Variants in ANO3 observed in about 807,000 individuals in gnomAD.
The protein encoded by ANO3 is anoctamin 3.
In ANO3, 99 loss-of-function variants were observed where a neutral mutation model predicts 144.8. The observed-to-expected ratio is 0.68, with a 90% CI of 0.58 to 0.81. The LOEUF is 0.81. Among genes scored for constraint, ANO3 ranks in the 30% least tolerant of loss-of-function variants. The pLI, the probability that ANO3 is intolerant of heterozygous loss-of-function variation, is 0.00. For synonymous variants in ANO3, 414 were observed against 392.6 expected (o/e 1.05, Z -0.64); for missense variants, 905 against 1,202.2 (o/e 0.75, Z 3.66).
At chr11:26,488,274 T>A (rs534286141) in intron 4 of ANO3, among the ~76,000 whole-genome samples, 1 of 152,084 alleles carries the variant, frequency 6.6e-6, no homozygotes, top group South Asian at 2.1e-4. Flanking sequence ...AAAACCCCAT[T>A]TTTTGAGGAG....
chr11:26,255,771 C>G (rs1043491953), intron 1 of ANO3, among the ~76,000 whole-genome samples: 1 of 152,070 alleles, frequency 6.6e-6, no homozygotes, highest in Non-Finnish European at 1.5e-5. Context: ...ACAAAGGGTT[C>G]CTGGAGCAAA....
At chr11:26,435,995 G>A (rs1858282023) in intron 1 of ANO3, among the ~76,000 whole-genome samples, 1 of 152,148 alleles carries the variant, frequency 6.6e-6, no homozygotes, top group South Asian at 2.1e-4. Flanking sequence ...TCTTGCATTG[G>A]TTCTTTCTTA....
intron 1 of ANO3, among the ~76,000 whole-genome samples, chr11:26,322,264 A>G (rs1049838587): frequency 1.3e-5 from 2 of 152,160 alleles, no homozygotes; most frequent in African/African-American, 4.8e-5. Flanking sequence ...CATTGAGTGA[A>G]TAATACAGAG....
chr11:26,257,261 T>A (rs1853081188), intron 1 of ANO3, among the ~76,000 whole-genome samples: 1 of 152,132 alleles, frequency 6.6e-6, no homozygotes, highest in East Asian at 1.9e-4. Context: ...TTTTGTTTTA[T>A]ACCATTCAAT....
chr11:26,513,175 T>G (rs1447820103), intron 5 of ANO3, among the ~76,000 whole-genome samples: 1 of 151,848 alleles, frequency 6.6e-6, no homozygotes, highest in Non-Finnish European at 1.5e-5. Context: ...GCAGAGGAGG[T>G]ATGGGATATT....
chr11:26,548,067 T>G (rs571943870), intron 12 of ANO3, among the ~76,000 whole-genome samples: 1 of 152,104 alleles, frequency 6.6e-6, no homozygotes, highest in East Asian at 1.9e-4. Flanking sequence ...TAAGTCCTGC[T>G]CTAAGCAACC....
chr11:26,451,642 C>T (rs1445103928), intron 3 of ANO3, among the ~76,000 whole-genome samples: 2 of 152,194 alleles, frequency 1.3e-5, no homozygotes, highest in Non-Finnish European at 2.9e-5. Flanking sequence ...TCTGTAGGCT[C>T]TACCTCTGGG....
At chr11:26,433,095 C>T (rs181075154) in intron 1 of ANO3, among the ~76,000 whole-genome samples, 1 of 151,984 alleles carries the variant, frequency 6.6e-6, no homozygotes, top group East Asian at 1.9e-4. Context: ...TGGTAATTCT[C>T]GATGTAGAGA....
At chr11:26,531,442 G>A in intron 8 of ANO3, 106 bp downstream of exon 8, 2 of 1,289,712 alleles carry the variant, frequency 1.6e-6, no homozygotes, top group Non-Finnish European at 1.1e-6. Context: ...AAATACGTCA[G>A]AGAACTTATC....
intron 4 of ANO3, among the ~76,000 whole-genome samples, chr11:26,493,474 C>G (rs530930091): frequency 1.1e-4 from 16 of 152,194 alleles, no homozygotes; most frequent in African/African-American, 3.6e-4. Flanking sequence ...TGTTTGGCCT[C>G]CAAATAAGGG....
At chr11:26,447,605 C>A (rs1288262330) in intron 3 of ANO3, among the ~76,000 whole-genome samples, 1 of 152,072 alleles carries the variant, frequency 6.6e-6, no homozygotes, top group Non-Finnish European at 1.5e-5. Context: ...GATAAAGCTG[C>A]ATGTTAAAAT....
intron 4 of ANO3, among the ~76,000 whole-genome samples, chr11:26,477,762 G>A (rs1034217180): frequency 2.0e-5 from 3 of 152,164 alleles, no homozygotes; most frequent in African/African-American, 7.2e-5. Flanking sequence ...AGAGTTATTA[G>A]TGTGGCCTTC....
chr11:26,228,973 T>C (rs1251114219), intron 1 of ANO3, among the ~76,000 whole-genome samples: 1 of 152,208 alleles, frequency 6.6e-6, no homozygotes, highest in Non-Finnish European at 1.5e-5. Context: ...AAAATAATAA[T>C]TAACAATGCC....
At chr11:26,411,988 C>T (rs1385773319) in intron 1 of ANO3, among the ~76,000 whole-genome samples, 2 of 151,982 alleles carry the variant, frequency 1.3e-5, no homozygotes, top group Non-Finnish European at 2.9e-5. Flanking sequence ...GAGCTGGAGG[C>T]TGTAGTAGAC....
chr11:26,596,078 T>A (rs1464566130), intron 14 of ANO3, among the ~76,000 whole-genome samples: 1 of 152,182 alleles, frequency 6.6e-6, no homozygotes, highest in Non-Finnish European at 1.5e-5. Context: ...TGTTATAGGG[T>A]CACGGAGAAG....
chr11:26,318,927 T>G (rs1005791568), intron 1 of ANO3, among the ~76,000 whole-genome samples: 3 of 152,140 alleles, frequency 2.0e-5, no homozygotes, highest in Non-Finnish European at 4.4e-5. Context: ...CAAGTGTGTA[T>G]ATGTGGCAAT....
At chr11:26,569,458 A>G (rs1850732393) in intron 14 of ANO3, among the ~76,000 whole-genome samples, 1 of 152,074 alleles carries the variant, frequency 6.6e-6, no homozygotes, top group Admixed American at 6.6e-5. Context: ...TAGGAGAGCC[A>G]GGTTACGCCA....
intron 1 of ANO3, among the ~76,000 whole-genome samples, chr11:26,350,877 G>T (rs1855629207): frequency 6.6e-6 from 1 of 152,062 alleles, no homozygotes; most frequent in Admixed American, 6.5e-5. Context: ...TAGGGGTAAG[G>T]TGCTCTTTTC....
At chr11:26,398,626 CTAAG>C (rs1857074607) in intron 1 of ANO3, among the ~76,000 whole-genome samples, 1 of 151,908 alleles carries the variant, frequency 6.6e-6, no homozygotes, top group South Asian at 2.1e-4. Flanking sequence ...TATTTTAGGA[CTAAG>C]TGAGAGTAAC....
Sources: allele counts gnomAD v4.1 joint callset (sites outside exome capture counted in the v4.1 genomes callset), GRCh38; gene constraint gnomAD v4.1.1; transcripts MANE v1.5; gene names NCBI Gene and HGNC (gene_info 2026-07-23, HGNC 2026-07-21).